Variants in HK2 observed in about 807,000 individuals in gnomAD.
The protein encoded by HK2 is hexokinase-2.
Under a neutral mutation model 92.9 loss-of-function variants are expected in HK2, and 42 were observed. The observed-to-expected ratio is 0.45, with a 90% confidence interval of 0.35 to 0.58. HK2 has a LOEUF of 0.58. Ranked by LOEUF, HK2 falls within the 20% of genes least tolerant of loss-of-function variation. The probability of loss-of-function intolerance (pLI) is 0.00; values close to 1 mark genes in which losing one functional copy is unlikely to be tolerated. For missense variants in HK2, 978 were observed against 1,245.1 expected, an observed-to-expected ratio of 0.79 and a Z score of 3.23; for synonymous variants, 422 against 468.0, an observed-to-expected ratio of 0.90 and a Z score of 1.27.
chr2:74,848,288 G>A (rs147041217), intron 1 of HK2, among the ~76,000 whole-genome samples: 1 of 152,298 alleles, frequency 6.6e-6, no homozygotes, highest in African/African-American at 2.4e-5. Context: ...TATAATATGA[G>A]CCAGCTTCTT....
rs1689708706 is a variant in HK2 at position 74,892,671 on chromosome 2, C to CA, written c.*1731dup. On this transcript the variant is annotated 3_prime_UTR_variant, in exon 18 of 18. Transcript: ENST00000290573. The stretch of plus-strand genomic sequence containing the variant: ...ACAAGGATCAGAATGGAAAGAAACT[C>CA]ACGATGAAATTGAACCTGGTTTTTG... 1 of 152,206 alleles carries CA rather than the reference C, an allele frequency of 6.6e-6. No homozygotes were observed. The highest frequency in any genetic ancestry group is 1.5e-5 in the Non-Finnish European group (1 of 68,044). 9.4% of individuals were successfully genotyped at this position (152,206 alleles called of 1,614,324 possible). A position where few individuals can be genotyped will look rare whatever the true frequency, so the allele number is the denominator to read the frequency against.
chr2:74,874,045 C>T (rs1192083883), intron 6 of HK2, 102 bp downstream of exon 6: 3 of 1,008,052 alleles, frequency 3.0e-6, no homozygotes, highest in Non-Finnish European at 4.7e-6. Context: ...CTTTGTAGTT[C>T]ATATTAGAAG....
In HK2 at chr2:74,889,890, G is replaced by T. The variant is rs548108967; in HGVS notation, c.2609+412G>T. ...ACAGTGTTTGTTTTGAGACGCATCC[G>T]CATTGAAGTATACAGTTGGTAGTTC... is the stretch of plus-strand genomic sequence containing the variant. On this transcript the variant is annotated intron_variant, in intron 17 of 17. Transcript: ENST00000290573. Among the ~76,000 whole-genome samples the T allele has an allele frequency of 2.6e-5, 4 of 152,312 alleles. No individual in the cohort carries two copies. In the East Asian group the frequency reaches 7.7e-4, roughly 29 times the overall value.
At chr2:74,873,784 T>A (rs780602122) in intron 5 of HK2, 60 bp from the exon 6 acceptor site, 1 of 1,067,224 alleles carries the variant, frequency 9.4e-7, no homozygotes, top group Non-Finnish European at 1.4e-6. Context: ...ATATAGCTGG[T>A]GTTAGGAAAG....
intron 9 of HK2, 116 bp downstream of exon 9, chr2:74,879,037 T>TGA (rs1689315471): frequency 1.1e-6 from 1 of 878,094 alleles, no homozygotes; most frequent in Non-Finnish European, 1.9e-6. Context: ...ACCATAGAGC[T>TGA]GAGGGTCTTG....
chr2:74,866,523 T>C (rs1347507069), intron 2 of HK2, among the ~76,000 whole-genome samples: 1 of 152,136 alleles, frequency 6.6e-6, no homozygotes, highest in Non-Finnish European at 1.5e-5. Context: ...AGCACTTTCA[T>C]TCTGTGCCAC....
chr2:74,889,566 T>A, intron 17 of HK2, 88 bp downstream of exon 17: 1 of 900,824 alleles, frequency 1.1e-6, no homozygotes. Context: ...TGTTACTTTA[T>A]AGTGAATTAT....
Position 74,872,382 on chromosome 2 carries a change from C to T in HK2, c.458C>T (p.Thr153Ile), listed in dbSNP as rs2103955731. 6.2e-7 allele frequency: 1 copy of T among 1,614,098 alleles called. No individual in the cohort carries two copies. Among genetic ancestry groups the T allele is most frequent in the Non-Finnish European group, 8.5e-7 (1 of 1,179,972 alleles). The change falls in exon 4 of 18, where the codon ACC (threonine) becomes ATC (isoleucine). Residue 153 changes from threonine (T) to isoleucine (I), a missense_variant. Thr to Ile is a moderately conservative substitution (Grantham distance 89). This residue lies in a region of HK2 where 189 missense variants were observed against 289.5 expected (regional missense o/e 0.65). Coordinates refer to ENST00000290573, the MANE Select transcript of HK2 (RefSeq NM_000189.5). Reference sequence around the variant, plus strand: ...GACAAGAAGCTCCCACTGGGTTTTACCTTCTCGTTCCCCTGCCACCAGACT... The same window carrying T: ...GACAAGAAGCTCCCACTGGGTTTTATCTTCTCGTTCCCCTGCCACCAGACT... ...IKDKKLPLGF[T>I]FSFPCHQTKL...
intron 2 of HK2, among the ~76,000 whole-genome samples, chr2:74,863,756 G>A (rs1268465569): frequency 2.0e-5 from 3 of 152,160 alleles, no homozygotes; most frequent in Non-Finnish European, 4.4e-5. Flanking sequence ...ACCCCATAGA[G>A]GATGATTGGA....
intron 2 of HK2, among the ~76,000 whole-genome samples, chr2:74,859,650 T>C (rs961555470): frequency 1.3e-5 from 2 of 152,172 alleles, no homozygotes; most frequent in African/African-American, 2.4e-5. Flanking sequence ...AAAAGAGTAT[T>C]ATCTGATGAA....
chr2:74,888,099 T>C, intron 16 of HK2, 41 bp downstream of exon 16: 1 of 1,603,890 alleles, frequency 6.2e-7, no homozygotes, highest in Non-Finnish European at 8.5e-7. Flanking sequence ...GGCCATGTCC[T>C]TTTTTCTCAC....
chr2:74,842,036 T>C (rs983161116), intron 1 of HK2, among the ~76,000 whole-genome samples: 1 of 152,248 alleles, frequency 6.6e-6, no homozygotes. Context: ...CAGTGTGAGC[T>C]TGGGTCAGTT....
chr2:74,834,152 A>T lies in HK2; in HGVS notation c.-429A>T. On this transcript the variant is annotated 5_prime_UTR_variant, in exon 1 of 18. Transcript: ENST00000290573. The surrounding 1 kb of genome is among the most constrained non-coding windows in gnomAD (Gnocchi z 4.2). The stretch of plus-strand genomic sequence containing the variant: ...ACATTGTTGCATGAAACTCCGGCGC[A>T]GGAGTCCCGGGCTGCCGCTGGCAAC... 5.9e-6 allele frequency: 2 copies of T among 337,668 alleles called. No homozygotes were observed. Among genetic ancestry groups the T allele is most frequent in the Non-Finnish European group, 1.2e-5 (2 of 171,472 alleles). 20.9% of individuals were successfully genotyped at this position (337,668 alleles called of 1,614,324 possible).
In HK2 at chr2:74,881,797, G is replaced by A; in HGVS notation, c.1657G>A (p.Val553Met). ...VRVRNGKWGG[V>M]EMHNKIYAIP... ...TGTTCGGAATGGGAAGTGGGGTGGA[G>A]TGGAGATGCACAACAAGATCTACGC... Residue 553 changes from valine (V) to methionine (M), a missense_variant, in exon 11 of 18, where the codon GTG becomes ATG. Physicochemically the swap from Val to Met is conservative, Grantham distance 21. This residue lies in a region of HK2 where 742 missense variants were observed against 922.5 expected (regional missense o/e 0.80). Transcript: ENST00000290573. The A allele has an allele frequency of 6.2e-7, 1 of 1,614,234 alleles. No homozygotes were observed.
At chr2:74,852,466 C>T (rs371225338) in intron 1 of HK2, among the ~76,000 whole-genome samples, 1 of 152,074 alleles carries the variant, frequency 6.6e-6, no homozygotes, top group Non-Finnish European at 1.5e-5. Context: ...ACCCTTTTTC[C>T]TCCTGGGGAG....
Position 74,874,275 on chromosome 2 carries a change from G to T in HK2, c.701G>T (p.Ser234Ile). The T allele has an allele frequency of 6.2e-7, 1 of 1,614,204 alleles. No homozygotes were observed. The highest frequency in any genetic ancestry group is 8.5e-7 in the Non-Finnish European group (1 of 1,180,032). Residue 234 changes from serine (S) to isoleucine (I), a missense_variant, in exon 7 of 18, where the codon AGC (serine) becomes ATC (isoleucine). Coordinates refer to ENST00000290573, the MANE Select transcript of HK2 (RefSeq NM_000189.5). ...CEIGLIVGTGSNACYMEEMRH... is the reference protein window; with the variant it reads ...CEIGLIVGTGINACYMEEMRH... ...TCCCTTGTTTTGGCAGGCACGGGCA[G>T]CAACGCCTGCTACATGGAAGAGATG...
At chr2:74,859,349 TC>T (rs1558793863) in intron 2 of HK2, among the ~76,000 whole-genome samples, 2 of 152,114 alleles carry the variant, frequency 1.3e-5, no homozygotes, top group Non-Finnish European at 2.9e-5. Flanking sequence ...TGATGTAAGA[TC>T]TAGATGAAGT....
chr2:74,856,907 C>T (rs1038922496), intron 2 of HK2, among the ~76,000 whole-genome samples: 1 of 152,156 alleles, frequency 6.6e-6, no homozygotes, highest in Non-Finnish European at 1.5e-5. Flanking sequence ...TTTTTTGGAA[C>T]GGAGTTGGGA....
intron 1 of HK2, among the ~76,000 whole-genome samples, chr2:74,845,236 A>G (rs1380756386): frequency 6.6e-6 from 1 of 152,218 alleles, no homozygotes; most frequent in African/African-American, 2.4e-5. Flanking sequence ...GTCTTCTGCC[A>G]ATAGACTCAG....
Sources: allele counts gnomAD v4.1 joint callset (sites outside exome capture counted in the v4.1 genomes callset), GRCh38; gene constraint gnomAD v4.1.1; regional missense constraint gnomAD v4.1.1; non-coding constraint Gnocchi (gnomAD v3.1); transcripts MANE v1.5; gene names NCBI Gene and HGNC (gene_info 2026-07-23, HGNC 2026-07-21).